CCDC187: variants seen among roughly 807,000 people sequenced by gnomAD.
The protein encoded by CCDC187 is coiled-coil domain-containing protein 187.
In CCDC187, 32 loss-of-function variants were observed where a neutral mutation model predicts 38.0. The observed-to-expected ratio is 0.84, with a 90% confidence interval of 0.64 to 1.13. The LOEUF (loss-of-function observed/expected upper bound fraction) is 1.13, where lower values mean the gene tolerates loss of function less well. Among genes scored for constraint, CCDC187 ranks in the 50% most tolerant of loss-of-function variants. The pLI is 0.00. For synonymous variants in CCDC187, 333 were observed against 347.9 expected, an observed-to-expected ratio of 0.96 and a Z score of 0.48; for missense variants, 707 against 786.8, an observed-to-expected ratio of 0.90 and a Z score of 1.21.
intron 20 of CCDC187, among the ~76,000 whole-genome samples, 165 bp downstream of exon 20, chr9:136,259,954 T>C (rs1830661609): frequency 6.6e-6 from 1 of 152,172 alleles, no homozygotes. Flanking sequence ...TCTGCTGTGC[T>C]GAGATGCAGA....
rs1294264823 is a variant in CCDC187, at chr9:136,281,597, C to T, written c.2994G>A (p.Ser998=). The change falls in exon 10 of 26, where the codon TCG becomes TCA. Residue 998 remains serine, a synonymous_variant. Coordinates refer to ENST00000638797, the MANE Select transcript of CCDC187 (RefSeq NM_001378188.1). ...WGSLGLEETP[S]VGGADSVAPC... ...GCGCCACAGAATCTGCCCCTCCGAC[C>T]GACGGCGTCTCCTCCAGTCCCAGGG... 3.0e-5 allele frequency: 12 copies of T among 398,556 alleles called. No homozygotes were observed. The highest frequency in any genetic ancestry group is 1.3e-4 in the South Asian group (1 of 7,860). 24.7% of individuals were successfully genotyped at this position (398,556 alleles called of 1,614,324 possible). A position where few individuals can be genotyped will look rare whatever the true frequency, so the allele number is the denominator to read the frequency against.
upstream of CCDC187, among the ~76,000 whole-genome samples, chr9:136,304,556 C>A (rs1588679513): frequency 2.6e-5 from 4 of 152,330 alleles, no homozygotes; most frequent in African/African-American, 9.6e-5. Context: ...CAGGAGCCCC[C>A]GCTGGCCTCC....
rs1831042926 is a variant in CCDC187, at chr9:136,281,559, C to CG, written c.3031dup (p.Arg1011ProfsTer143). 7.5e-6 allele frequency: 3 copies of CG among 398,520 alleles called. No homozygotes were observed. Among genetic ancestry groups the CG allele is most frequent in the Non-Finnish European group, 1.3e-5 (3 of 226,046 alleles). 24.7% of individuals were successfully genotyped at this position (398,520 alleles called of 1,614,324 possible). A position where few individuals can be genotyped will look rare whatever the true frequency, so the allele number is the denominator to read the frequency against. ...CGCAGGGTCGCCCTTACCGCAGCTC[C>CG]GGGGGGTGCAGGGCGCCACAGAATC... On this transcript the variant is annotated frameshift_variant, in exon 10 of 26. Transcript: ENST00000638797. LOFTEE classifies it high-confidence loss of function.
At position 136,257,402 on chromosome 9, in the gene CCDC187, T is replaced by TAAC. The variant is rs200082275; in HGVS notation, c.4367-562_4367-561insGTT. On this transcript the variant is annotated intron_variant, in intron 22 of 25. Coordinates refer to ENST00000638797, the MANE Select transcript of CCDC187 (RefSeq NM_001378188.1). The surrounding 1 kb of genome is among the most constrained non-coding windows in gnomAD (Gnocchi z 4.5). ...ATAATAATAATAATAATAATAATAA[T>TAAC]AATAATTTAGAGGCCTCTTTCCCTC... Among the ~76,000 whole-genome samples, 5 of 148,602 alleles carry TAAC rather than the reference T, an allele frequency of 3.4e-5. No individual in the cohort carries two copies. Among genetic ancestry groups the TAAC allele is most frequent in the African/African-American group, 1.2e-4 (5 of 40,376 alleles).
In CCDC187 at chr9:136,264,417, A is replaced by C. The variant is rs62579914; in HGVS notation, c.3736-619T>G. ...CCAGCTCCAGCTCCTCCCGCCTGGG[A>C]TCCCTGGGCAGCGCCTGTTCTGCCA... On this transcript the variant is annotated intron_variant, in intron 17 of 25. Transcript: ENST00000638797. The surrounding 1 kb of genome is among the most constrained non-coding windows in gnomAD (Gnocchi z 4.3). Among the ~76,000 whole-genome samples, 20,088 of 152,058 alleles carry C rather than the reference A, an allele frequency of 0.13. 1,488 individuals carry two copies. Among genetic ancestry groups the C allele is most frequent in the Admixed American group, 0.21 (3,170 of 15,284 alleles).
At chr9:136,283,078 G>A (rs1266799707) in intron 9 of CCDC187, among the ~76,000 whole-genome samples, 6 of 152,234 alleles carry the variant, frequency 3.9e-5, no homozygotes, top group Middle Eastern at 3.4e-3. Context: ...GTGAAACCCC[G>A]TCTCTACTAA....
intron 4 of CCDC187, among the ~76,000 whole-genome samples, chr9:136,293,537 ACT>A (rs1230281499): frequency 7.3e-6 from 1 of 137,466 alleles, no homozygotes; most frequent in African/African-American, 2.7e-5. Context: ...ACGCTTACAC[ACT>A]CACACTGACA....
At chr9:136,267,851 C>G in intron 15 of CCDC187, 198 bp downstream of exon 15, 1 of 985,344 alleles carries the variant, frequency 1.0e-6, no homozygotes, top group Non-Finnish European at 1.2e-6. Context: ...CTGCCCCCCT[C>G]TGTCACCCAG....
In CCDC187 at chr9:136,286,428, T is replaced by C; in HGVS notation, c.2490A>G (p.Thr830=). ...CGACCCGCTGCTTGAGGACTTTGGC[T>C]GTGGTCTCTAGCGCCTGCAGCTGCG... ...KQAQLQALET[T]AKVLKQRVDS... is the part of the protein sequence containing the mutation. The change falls in exon 8 of 26, where the codon ACA becomes ACG. Residue 830 remains threonine (T), a synonymous_variant. Transcript: ENST00000638797. The C allele has an allele frequency of 2.5e-6, 1 of 398,702 alleles. No homozygotes were observed. The highest frequency in any genetic ancestry group is 1.3e-4 in the South Asian group (1 of 7,860). 24.7% of individuals were successfully genotyped at this position (398,702 alleles called of 1,614,324 possible).
At chr9:136,278,530 C>T (rs1422677923) in intron 10 of CCDC187, among the ~76,000 whole-genome samples, 3 of 152,222 alleles carry the variant, frequency 2.0e-5, no homozygotes, top group East Asian at 1.9e-4. Context: ...TCTAGCCCCA[C>T]GTGCCACCCC....
At chr9:136,293,942 A>C (rs1831457946) in intron 4 of CCDC187, among the ~76,000 whole-genome samples, 10 of 96,092 alleles carry the variant, frequency 1.0e-4, no homozygotes, top group Admixed American at 6.8e-4. Context: ...GTGCTCTCCC[A>C]CACACACATG....
chr9:136,294,267 T>G (rs1194839552), intron 4 of CCDC187, among the ~76,000 whole-genome samples: 1 of 145,318 alleles, frequency 6.9e-6, no homozygotes, highest in Non-Finnish European at 1.5e-5. Context: ...CGCGCTCATA[T>G]ACACACGCCC....
chr9:136,268,188 A>G (rs1588654909), intron 14 of CCDC187, 63 bp from the exon 15 acceptor site: 3 of 949,508 alleles, frequency 3.2e-6, no homozygotes, highest in East Asian at 1.2e-4. Context: ...GTCAGGGGCC[A>G]TTTCTACCGG....
At chr9:136,271,538 A>C (rs1161349099) in intron 14 of CCDC187, among the ~76,000 whole-genome samples, 1 of 152,202 alleles carries the variant, frequency 6.6e-6, no homozygotes, top group African/African-American at 2.4e-5. Context: ...AAAAATTAAA[A>C]AATGAAGAAT....
chr9:136,280,452 G>A (rs1831016334), intron 10 of CCDC187, among the ~76,000 whole-genome samples: 1 of 152,160 alleles, frequency 6.6e-6, no homozygotes, highest in African/African-American at 2.4e-5. Context: ...CCCTCAGAGG[G>A]CTTCAGGTGT....
At chr9:136,295,385 C>A (rs1831511501) in intron 4 of CCDC187, among the ~76,000 whole-genome samples, 1 of 152,192 alleles carries the variant, frequency 6.6e-6, no homozygotes, top group African/African-American at 2.4e-5. Context: ...TTTTCTTCCG[C>A]TGAGCAGTTT....
At chr9:136,267,607 C>T in intron 15 of CCDC187, 96 bp from the exon 16 acceptor site, 1 of 985,646 alleles carries the variant, frequency 1.0e-6, no homozygotes, top group Non-Finnish European at 1.2e-6. Context: ...CACCGCCTAG[C>T]TTCTAGACCG....
In CCDC187 at chr9:136,297,740, G is replaced by T. The variant is rs1046455257; in HGVS notation, c.806C>A (p.Ala269Glu). 13 of 398,616 alleles carry T rather than the reference G, an allele frequency of 3.3e-5. No homozygotes were observed. Among genetic ancestry groups the T allele is most frequent in the Non-Finnish European group, 5.3e-5 (12 of 226,132 alleles). 24.7% of individuals were successfully genotyped at this position (398,616 alleles called of 1,614,324 possible). A position where few individuals can be genotyped will look rare whatever the true frequency, so the allele number is the denominator to read the frequency against. ...KTPKLPSPRR[A>E]AKDKHKDEDS... ...TTCGTCTTTGTGTTTGTCTTTGGCCGCTCTTCTAGGGGAGGGCAACTTGGG... is the reference window on the plus strand; with the variant it reads ...TTCGTCTTTGTGTTTGTCTTTGGCCTCTCTTCTAGGGGAGGGCAACTTGGG... Residue 269 changes from alanine (A) to glutamate (E), a missense_variant, in exon 4 of 26, where the codon GCG becomes GAG. Coordinates refer to ENST00000638797, the MANE Select transcript of CCDC187 (RefSeq NM_001378188.1).
chr9:136,293,389 G>A lies in CCDC187; in HGVS notation c.833-1094C>T, dbSNP rs1184805203. Among the ~76,000 whole-genome samples, 4 of 113,196 alleles carry A rather than the reference G, an allele frequency of 3.5e-5. 1 individual carries two copies. The highest frequency in any genetic ancestry group is 1.8e-4 in the Admixed American group (2 of 10,992). 74.3% of individuals were successfully genotyped at this position (113,196 alleles called of 152,430 possible). A position where few individuals can be genotyped will look rare whatever the true frequency, so the allele number is the denominator to read the frequency against. On this transcript the variant is annotated intron_variant, in intron 4 of 25. Coordinates refer to ENST00000638797, the MANE Select transcript of CCDC187 (RefSeq NM_001378188.1). ...CATGCTCACACACTCACACTCACAT[G>A]CTCACACACTCACAAACACTCACAT...
Sources: allele counts gnomAD v4.1 joint callset (sites outside exome capture counted in the v4.1 genomes callset), GRCh38; gene constraint gnomAD v4.1.1; non-coding constraint Gnocchi (gnomAD v3.1); transcripts MANE v1.5; gene names NCBI Gene and HGNC (gene_info 2026-07-23, HGNC 2026-07-21).